ARMH4: variants seen among roughly 807,000 people sequenced by gnomAD.
The protein encoded by ARMH4 is armadillo like helical domain containing 4.
ARMH4 carries 49 observed loss-of-function variants against 61.9 expected under a neutral mutation model. The observed-to-expected ratio is 0.79, with a 90% CI of 0.63 to 1.00. The LOEUF is 1.00. Ranked by LOEUF, ARMH4 falls within the 50% of genes least tolerant of loss-of-function variation. The pLI is 0.00. For synonymous variants in ARMH4, 368 were observed against 341.5 expected (o/e 1.08, Z -0.85); for missense variants, 934 against 930.0 (o/e 1.00, Z -0.06).
At chr14:58,039,867 A>C (rs190714138) in intron 5 of ARMH4, among the ~76,000 whole-genome samples, 49 of 152,312 alleles carry the variant, frequency 3.2e-4, no homozygotes, top group African/African-American at 1.2e-3. Context: ...GATGCTGAAA[A>C]AATCAGGAAT....
intron 5 of ARMH4, among the ~76,000 whole-genome samples, chr14:58,068,158 T>C (rs184140756): frequency 2.0e-4 from 30 of 152,246 alleles, no homozygotes; most frequent in African/African-American, 4.6e-4. Flanking sequence ...TCCCTGAAAA[T>C]TGATATATCT....
At chr14:58,049,023 G>A (rs769510583) in intron 5 of ARMH4, among the ~76,000 whole-genome samples, 17 of 152,036 alleles carry the variant, frequency 1.1e-4, no homozygotes, top group Non-Finnish European at 2.2e-4. Flanking sequence ...GGATCATGAG[G>A]TCAGGAGATC....
At chr14:58,025,321 C>G (rs17094230) in intron 5 of ARMH4, among the ~76,000 whole-genome samples, 6,151 of 152,168 alleles carry the variant, frequency 0.04, 313 homozygotes, top group South Asian at 0.12. Flanking sequence ...TCCCATATAG[C>G]ATTGTGTGAG....
intron 5 of ARMH4, among the ~76,000 whole-genome samples, chr14:58,058,614 G>A (rs1345926678): frequency 6.6e-6 from 1 of 152,152 alleles, no homozygotes; most frequent in Non-Finnish European, 1.5e-5. Flanking sequence ...ACTGGTGGGA[G>A]TGTCTTTTAG....
chr14:58,015,917 T>A (rs1882595077), intron 5 of ARMH4, among the ~76,000 whole-genome samples: 1 of 151,212 alleles, frequency 6.6e-6, no homozygotes, highest in South Asian at 2.1e-4. Context: ...TTAAATTTAA[T>A]AAAATTTAAA....
chr14:58,044,308 C>T (rs1279657441), intron 5 of ARMH4, among the ~76,000 whole-genome samples: 9 of 152,118 alleles, frequency 5.9e-5, no homozygotes, highest in African/African-American at 1.9e-4. Context: ...AGAAATAATA[C>T]CACACATCTA....
rs1316406469 is a variant in ARMH4 at position 58,139,221 on chromosome 14, C to T, written c.138G>A (p.Gln46=). ...EIAHVHAEKG[Q]SDKMNTDDLE... ...GGTCATCGGTGTTCATCTTATCGGA[C>T]TGCCCTTTTTCCGCATGAACATGTG... The change falls in exon 2 of 8, where the codon CAG becomes CAA. Residue 46 remains glutamine, a synonymous_variant. Coordinates refer to ENST00000267485, the MANE Select transcript of ARMH4 (RefSeq NM_001001872.4). The T allele has an allele frequency of 1.2e-6, 2 of 1,614,086 alleles. No individual in the cohort carries two copies. Among genetic ancestry groups the T allele is most frequent in the Non-Finnish European group, 1.7e-6 (2 of 1,180,048 alleles).
intron 5 of ARMH4, among the ~76,000 whole-genome samples, chr14:58,059,440 A>C (rs1326728734): frequency 2.6e-5 from 4 of 152,228 alleles, no homozygotes; most frequent in African/African-American, 9.6e-5. Context: ...CAAGGATGCT[A>C]AATTTCATCA....
At chr14:58,063,038 G>A (rs1293858966) in intron 5 of ARMH4, among the ~76,000 whole-genome samples, 1 of 152,176 alleles carries the variant, frequency 6.6e-6, no homozygotes, top group Non-Finnish European at 1.5e-5. Context: ...CCAAATCAAG[G>A]TACTGGCAGG....
At chr14:58,008,799 T>C (rs545010385) in intron 6 of ARMH4, among the ~76,000 whole-genome samples, 4 of 152,314 alleles carry the variant, frequency 2.6e-5, no homozygotes, top group South Asian at 2.1e-4. Flanking sequence ...GTCCAGACCA[T>C]ACATTGAGAA....
chr14:58,043,761 A>G (rs1883817113), intron 5 of ARMH4, among the ~76,000 whole-genome samples: 1 of 152,226 alleles, frequency 6.6e-6, no homozygotes, highest in Non-Finnish European at 1.5e-5. Flanking sequence ...GCAAAGTGTT[A>G]GGATACAAAA....
chr14:58,044,936 G>A (rs1299706657), intron 5 of ARMH4, among the ~76,000 whole-genome samples: 1 of 152,154 alleles, frequency 6.6e-6, no homozygotes, highest in Non-Finnish European at 1.5e-5. Flanking sequence ...CAGTTAGAAT[G>A]GTGATCATTA....
At chr14:58,104,020 G>C (rs1180475095) in intron 4 of ARMH4, among the ~76,000 whole-genome samples, 1 of 152,130 alleles carries the variant, frequency 6.6e-6, no homozygotes, top group African/African-American at 2.4e-5. Flanking sequence ...CCCAAAGAGA[G>C]GGTTGCAGGT....
intron 5 of ARMH4, among the ~76,000 whole-genome samples, chr14:58,050,978 A>G (rs1006323932): frequency 9.2e-5 from 14 of 152,060 alleles, no homozygotes. Context: ...GACATTATTT[A>G]AGGAAAATTC....
chr14:58,105,190 A>G (rs1333751390), intron 4 of ARMH4, among the ~76,000 whole-genome samples: 2 of 152,226 alleles, frequency 1.3e-5, no homozygotes, highest in African/African-American at 4.8e-5. Context: ...AACTAAAATT[A>G]AAGAACTCAA....
At chr14:58,055,622 T>C (rs904015978) in intron 5 of ARMH4, among the ~76,000 whole-genome samples, 2 of 152,198 alleles carry the variant, frequency 1.3e-5, no homozygotes, top group Non-Finnish European at 2.9e-5. Flanking sequence ...ACCAGCAGCA[T>C]CAGGGAATCA....
chr14:58,110,912 C>T (rs1196753779), intron 4 of ARMH4, among the ~76,000 whole-genome samples: 1 of 151,744 alleles, frequency 6.6e-6, no homozygotes, highest in African/African-American at 2.4e-5. Flanking sequence ...CAGGTGCACA[C>T]CACCATGCCC....
intron 5 of ARMH4, among the ~76,000 whole-genome samples, chr14:58,014,185 G>A (rs1304982910): frequency 1.3e-5 from 2 of 152,102 alleles, no homozygotes; most frequent in Non-Finnish European, 2.9e-5. Context: ...ACCTCCCTTA[G>A]GTCCTGGCTT....
chr14:58,035,133 G>C (rs1566550083), intron 5 of ARMH4, among the ~76,000 whole-genome samples: 1 of 146,726 alleles, frequency 6.8e-6, no homozygotes, highest in Non-Finnish European at 1.5e-5. Context: ...TTCCAAAATT[G>C]ACCACATAGT....
Sources: allele counts gnomAD v4.1 joint callset (sites outside exome capture counted in the v4.1 genomes callset), GRCh38; gene constraint gnomAD v4.1.1; transcripts MANE v1.5; gene names NCBI Gene and HGNC (gene_info 2026-07-23, HGNC 2026-07-21).